The following YTHDC2 variants were observed in gnomAD, a reference collection of about 807,000 sequenced individuals.
The protein encoded by YTHDC2 is 3'-5' RNA helicase YTHDC2.
A neutral mutation model predicts 174.9 loss-of-function variants in YTHDC2; 45 were observed. The observed-to-expected ratio is 0.26, with a 90% confidence interval of 0.20 to 0.33. The LOEUF is 0.33. YTHDC2 is among the 10% of genes least tolerant of loss of function. The probability of loss-of-function intolerance (pLI) is 1.00; values close to 1 mark genes in which losing one functional copy is unlikely to be tolerated. For missense variants in YTHDC2, 1,650 were observed against 1,723.7 expected, an observed-to-expected ratio of 0.96 and a Z score of 0.76; for synonymous variants, 657 against 574.5, an observed-to-expected ratio of 1.14 and a Z score of -2.05.
Position 113,567,703 on chromosome 5 carries a change from A to T in YTHDC2, c.3098A>T (p.Asp1033Val), listed in dbSNP as rs749831196. The T allele has an allele frequency of 5.0e-6, 8 of 1,608,494 alleles. No individual in the cohort carries two copies. The highest frequency in any genetic ancestry group is 6.8e-6 in the Non-Finnish European group (8 of 1,177,802). Residue 1033 changes from aspartate (D) to valine (V), a missense_variant, in exon 23 of 30, where the codon GAT (aspartate) becomes GTT (valine). This residue lies in a region of YTHDC2 where 913 missense variants were observed against 940.4 expected (regional missense o/e 0.97). Coordinates refer to ENST00000161863, the MANE Select transcript of YTHDC2 (RefSeq NM_022828.5). ...QAAAIKALPT[D>V]WLIYDEMTRA... The stretch of plus-strand genomic sequence containing the variant: ...GCAGCAATTAAGGCACTGCCCACAG[A>T]TTGGCTTATTTATGATGAAATGACC...
At position 113,565,883 on chromosome 5, in the gene YTHDC2, CTT is replaced by C; in HGVS notation, c.2716-6_2716-5del. ...ATGTGTCTTGTTATGCAATTATTCT[CTT>C]TTTATAGGCCTGGCAAAAAGCACGA... is the stretch of plus-strand genomic sequence containing the variant. On this transcript the variant is annotated splice_region_variant and splice_polypyrimidine_tract_variant and intron_variant, in intron 20 of 29. Coordinates refer to ENST00000161863, the MANE Select transcript of YTHDC2 (RefSeq NM_022828.5). 19 of 1,609,078 alleles carry C rather than the reference CTT, an allele frequency of 1.2e-5. No homozygotes were observed. Among genetic ancestry groups the C allele is most frequent in the Non-Finnish European group, 1.6e-5 (19 of 1,178,280 alleles).
At chr5:113,565,331 A>G (rs911042594) in intron 20 of YTHDC2, among the ~76,000 whole-genome samples, 13 of 152,168 alleles carry the variant, frequency 8.5e-5, no homozygotes, top group African/African-American at 2.4e-4. Context: ...TAGAATTTCT[A>G]TCTGTTCTTT....
At position 113,537,680 on chromosome 5, in the gene YTHDC2, G is replaced by A. The variant is rs924343542; in HGVS notation, c.1103-1394G>A. 4.6e-5 allele frequency among the ~76,000 whole-genome samples: 7 copies of A among 151,616 alleles called. No homozygotes were observed. The East Asian group carries it at 1.4e-3, about 29-fold the overall frequency. ...CTGGAAGCTCTCATTCATGCCCTGG[G>A]CTTCTATTTTTTCTTTTATACTGAT... is the stretch of plus-strand genomic sequence containing the variant. On this transcript the variant is annotated intron_variant, in intron 7 of 29. Transcript: ENST00000161863.
intron 2 of YTHDC2, among the ~76,000 whole-genome samples, chr5:113,516,824 A>G (rs1207626756): frequency 1.3e-5 from 2 of 152,222 alleles, no homozygotes; most frequent in African/African-American, 2.4e-5. Context: ...TGATGTAGGA[A>G]TGTCTTGCAT....
chr5:113,562,698 T>C (rs976778609), intron 18 of YTHDC2, among the ~76,000 whole-genome samples: 23 of 152,180 alleles, frequency 1.5e-4, no homozygotes, highest in African/African-American at 5.1e-4. Context: ...TTTCCCCTTA[T>C]TCCTTATATA....
At chr5:113,570,650 C>CTCTTTATT (rs1456988502) in intron 23 of YTHDC2, among the ~76,000 whole-genome samples, 5 of 151,804 alleles carry the variant, frequency 3.3e-5, no homozygotes, top group Non-Finnish European at 7.4e-5. Flanking sequence ...TATTTGAATA[C>CTCTTTATT]TCTTTATTTC....
rs79684084 is a variant in YTHDC2, at chr5:113,565,513, A to G, written c.2716-380A>G. ...TTCTTAGGTAGAGTCCAGGGTTGAC[A>G]TAGAGATTATTTTTTGGAGGACAAG... On this transcript the variant is annotated intron_variant, in intron 20 of 29. Coordinates refer to ENST00000161863, the MANE Select transcript of YTHDC2 (RefSeq NM_022828.5). 6.8e-3 allele frequency among the ~76,000 whole-genome samples: 1,033 copies of G among 152,334 alleles called. 7 individuals are homozygous for G. The highest frequency in any genetic ancestry group is 0.022 in the African/African-American group (931 of 41,572).
intron 2 of YTHDC2, 119 bp from the exon 3 acceptor site, chr5:113,524,862 C>T: frequency 1.3e-6 from 1 of 772,310 alleles, no homozygotes; most frequent in South Asian, 2.7e-5. Flanking sequence ...AGCATCTTCT[C>T]CCAAAGCATT....
At chr5:113,576,572 C>T (rs1778062210) in intron 23 of YTHDC2, among the ~76,000 whole-genome samples, 2 of 152,138 alleles carry the variant, frequency 1.3e-5, no homozygotes, top group Non-Finnish European at 2.9e-5. Context: ...AATTTCATGG[C>T]AACTATGCCA....
At chr5:113,541,773 G>C (rs185552332) in intron 9 of YTHDC2, among the ~76,000 whole-genome samples, 1 of 151,590 alleles carries the variant, frequency 6.6e-6, no homozygotes, top group Non-Finnish European at 1.5e-5. Context: ...AGATATGCAC[G>C]CTAAATATAC....
rs562607331 is a variant in YTHDC2, at chr5:113,567,968, T to C, written c.3244+119T>C. The C allele has an allele frequency of 6.0e-5, 43 of 716,952 alleles. No homozygotes were observed. The South Asian group carries it at 1.4e-3, about 24-fold the overall frequency. The allele number at this position is 716,952 out of a possible 1,614,324, so 44.4% of individuals were successfully genotyped here. ...ATAAAGATTTATATAGTAGCAGCTCTATTTTGATGTACTAAGACTAATTAG... is the reference window on the plus strand; with the variant it reads ...ATAAAGATTTATATAGTAGCAGCTCCATTTTGATGTACTAAGACTAATTAG... On this transcript the variant is annotated intron_variant, in intron 23 of 29. Transcript: ENST00000161863.
At chr5:113,572,199 T>A (rs1777767840) in intron 23 of YTHDC2, among the ~76,000 whole-genome samples, 1 of 152,244 alleles carries the variant, frequency 6.6e-6, no homozygotes, top group African/African-American at 2.4e-5. Context: ...AAATAACTTC[T>A]TGATTTCTGC....
In YTHDC2 at chr5:113,548,037, G is replaced by A. The variant is rs1776007632; in HGVS notation, c.1496-504G>A. 2.0e-5 allele frequency among the ~76,000 whole-genome samples: 3 copies of A among 151,934 alleles called. No individual in the cohort carries two copies. The Admixed American group carries it at 2.0e-4, about 10-fold the overall frequency. ...TCTGTCAGTGTTAATCCCATTAAGT[G>A]TCTTATCAAATAGCCTTGAATGGGG... On this transcript the variant is annotated intron_variant, in intron 10 of 29. Coordinates refer to ENST00000161863, the MANE Select transcript of YTHDC2 (RefSeq NM_022828.5).
chr5:113,539,048 GTATT>G (rs766146891), intron 7 of YTHDC2, 22 bp from the exon 8 acceptor site: 4 of 1,109,580 alleles, frequency 3.6e-6, no homozygotes, highest in South Asian at 1.7e-5. Context: ...TGCAAGTTGA[GTATT>G]TAATTTTTTT....
intron 3 of YTHDC2, among the ~76,000 whole-genome samples, chr5:113,526,084 G>T (rs1410830105): frequency 2.0e-5 from 3 of 151,956 alleles, no homozygotes; most frequent in Non-Finnish European, 1.5e-5. Flanking sequence ...AATCTTACAT[G>T]TATAGCATTA....
chr5:113,542,972 T>C (rs916110653), intron 10 of YTHDC2, among the ~76,000 whole-genome samples: 13 of 152,230 alleles, frequency 8.5e-5, no homozygotes, highest in Admixed American at 8.5e-4. Flanking sequence ...TTTCCCTGGC[T>C]CTAACTTCTT....
chr5:113,593,003 A>G, intron 28 of YTHDC2: 1 of 198,546 alleles, frequency 5.0e-6, no homozygotes, highest in Admixed American at 5.6e-5. Flanking sequence ...AATCTCTATG[A>G]AAAACAAAAT....
intron 2 of YTHDC2, among the ~76,000 whole-genome samples, chr5:113,521,757 GA>G (rs1225105408): frequency 1.9e-4 from 24 of 126,030 alleles, no homozygotes; most frequent in Middle Eastern, 8.8e-3. Flanking sequence ...AAAAAACCCA[GA>G]AAAATAAATT....
intron 1 of YTHDC2, among the ~76,000 whole-genome samples, chr5:113,514,829 A>C (rs1833681): frequency 1.3e-5 from 2 of 152,074 alleles, no homozygotes; most frequent in African/African-American, 4.8e-5. Context: ...ACAGTTTTGA[A>C]AGCAAAGACA....
Sources: gnomAD v4.1 joint callset for allele counts (sites outside exome capture counted in the v4.1 genomes callset) on GRCh38, gnomAD v4.1.1 for gene constraint, gnomAD v4.1.1 regional missense constraint, MANE v1.5 for transcripts, NCBI Gene and HGNC (gene_info 2026-07-23, HGNC 2026-07-21) for gene names.